The following KIAA1217 variants were observed in gnomAD, a reference collection of about 807,000 sequenced individuals.
The protein encoded by KIAA1217 is KIAA1217, also known as sickle tail protein homolog.
A neutral mutation model predicts 163.9 loss-of-function variants in KIAA1217; 88 were observed. The observed-to-expected ratio is 0.54, with a 90% CI of 0.45 to 0.64. The LOEUF (loss-of-function observed/expected upper bound fraction) is 0.64. KIAA1217 is among the 30% of genes least tolerant of loss of function. The probability of loss-of-function intolerance (pLI) is 0.00; values close to 1 mark genes in which losing one functional copy is unlikely to be tolerated. For synonymous variants in KIAA1217, 903 were observed against 923.1 expected (o/e 0.98, Z 0.39); for missense variants, 2,372 against 2,475.0 (o/e 0.96, Z 0.88).
chr10:23,987,780 A>G (rs963631019), intron 1 of KIAA1217, among the ~76,000 whole-genome samples: 1 of 152,136 alleles, frequency 6.6e-6, no homozygotes, highest in Admixed American at 6.6e-5. Context: ...CCTTTGACCA[A>G]CATCTTCCCA....
intron 3 of KIAA1217, among the ~76,000 whole-genome samples, chr10:24,428,498 T>C (rs532164984): frequency 7.2e-5 from 11 of 152,296 alleles, no homozygotes; most frequent in African/African-American, 2.6e-4. Context: ...AAACAGCCAC[T>C]TCAGAATGTG....
At chr10:23,959,101 G>A (rs1306789329) in intron 1 of KIAA1217, among the ~76,000 whole-genome samples, 1 of 151,944 alleles carries the variant, frequency 6.6e-6, no homozygotes, top group East Asian at 1.9e-4. Flanking sequence ...GTGAGGCAAA[G>A]CAGTGGATGT....
intron 1 of KIAA1217, among the ~76,000 whole-genome samples, chr10:23,938,312 A>G (rs146260647): frequency 6.6e-6 from 1 of 152,278 alleles, no homozygotes; most frequent in East Asian, 1.9e-4. Context: ...TCTAGAATAA[A>G]GTCTGCTCCA....
chr10:23,990,744 T>G (rs769568820), intron 1 of KIAA1217, among the ~76,000 whole-genome samples: 3 of 152,182 alleles, frequency 2.0e-5, no homozygotes, highest in Admixed American at 6.5e-5. Flanking sequence ...GAACTGTGCT[T>G]TAATATTTTT....
At chr10:24,164,190 A>G (rs1012140792) in intron 2 of KIAA1217, among the ~76,000 whole-genome samples, 6 of 152,150 alleles carry the variant, frequency 3.9e-5, no homozygotes, top group African/African-American at 1.4e-4. Flanking sequence ...GAGAATAGGA[A>G]AGCCACCCAG....
intron 1 of KIAA1217, among the ~76,000 whole-genome samples, chr10:23,791,359 T>G (rs1252182092): frequency 6.6e-6 from 1 of 152,128 alleles, no homozygotes; most frequent in Non-Finnish European, 1.5e-5. Context: ...TCATCTAACT[T>G]CCCACTCACT....
At chr10:24,466,739 CG>C in intron 5 of KIAA1217, 1 of 985,376 alleles carries the variant, frequency 1.0e-6, no homozygotes, top group South Asian at 4.7e-5. Context: ...AGGACCTGAG[CG>C]AATGTGCTTA....
intron 1 of KIAA1217, among the ~76,000 whole-genome samples, chr10:24,000,283 G>T (rs9417388): frequency 6.6e-6 from 1 of 152,214 alleles, no homozygotes; most frequent in African/African-American, 2.4e-5. Flanking sequence ...GCAGTGGGAG[G>T]TAATTGAATC....
intron 2 of KIAA1217, among the ~76,000 whole-genome samples, chr10:24,243,355 A>AC (rs1261409282): frequency 2.6e-5 from 4 of 151,846 alleles, no homozygotes; most frequent in African/African-American, 9.7e-5. Context: ...CTTCTAGTGC[A>AC]CCCATTATTC....
chr10:24,272,484 A>G (rs985765061), intron 2 of KIAA1217, among the ~76,000 whole-genome samples: 1 of 152,204 alleles, frequency 6.6e-6, no homozygotes, highest in Admixed American at 6.5e-5. Context: ...TACGAGTTCT[A>G]AAAGCTACTC....
At chr10:24,475,141 C>T (rs769571757) in intron 6 of KIAA1217, among the ~76,000 whole-genome samples, 8 of 152,234 alleles carry the variant, frequency 5.3e-5, no homozygotes, top group Non-Finnish European at 8.8e-5. Flanking sequence ...ATCACTTGAA[C>T]CTGGGAGGTG....
chr10:24,055,640 T>A (rs1227503109), intron 2 of KIAA1217, among the ~76,000 whole-genome samples: 1 of 152,206 alleles, frequency 6.6e-6, no homozygotes, highest in Non-Finnish European at 1.5e-5. Flanking sequence ...CTGGTTTTGA[T>A]GATGAAGTTC....
intron 1 of KIAA1217, among the ~76,000 whole-genome samples, chr10:23,792,218 T>A (rs1389729906): frequency 6.6e-6 from 1 of 152,222 alleles, no homozygotes; most frequent in Non-Finnish European, 1.5e-5. Context: ...TTTCACTTTC[T>A]GCCATAGCTA....
intron 2 of KIAA1217, among the ~76,000 whole-genome samples, chr10:24,174,127 G>C (rs552191219): frequency 6.6e-6 from 1 of 152,316 alleles, no homozygotes; most frequent in South Asian, 2.1e-4. Flanking sequence ...TAAGACAAGG[G>C]CTTCATTGTG....
chr10:24,238,257 G>A (rs762816313), intron 2 of KIAA1217, among the ~76,000 whole-genome samples: 1 of 152,160 alleles, frequency 6.6e-6, no homozygotes, highest in Non-Finnish European at 1.5e-5. Flanking sequence ...GAAGAACTTT[G>A]TACTGTGGCA....
intron 1 of KIAA1217, 71 bp downstream of exon 1, chr10:24,209,334 A>C: frequency 8.3e-7 from 1 of 1,200,314 alleles, no homozygotes; most frequent in Non-Finnish European, 1.2e-6. Context: ...GCTTTTTATA[A>C]ACTGCAGCTC....
chr10:24,399,595 T>C (rs1390740167), intron 3 of KIAA1217, among the ~76,000 whole-genome samples: 1 of 152,228 alleles, frequency 6.6e-6, no homozygotes, highest in Non-Finnish European at 1.5e-5. Flanking sequence ...TGTGTTGCAC[T>C]GTTCTTTTCA....
At chr10:23,829,936 C>T (rs181428578) in intron 1 of KIAA1217, among the ~76,000 whole-genome samples, 4 of 152,206 alleles carry the variant, frequency 2.6e-5, no homozygotes, top group South Asian at 2.1e-4. Flanking sequence ...GGCTTACTAG[C>T]GGAAGTAATT....
intron 1 of KIAA1217, among the ~76,000 whole-genome samples, chr10:23,710,572 G>C (rs1254822699): frequency 6.6e-6 from 1 of 152,164 alleles, no homozygotes; most frequent in East Asian, 1.9e-4. Flanking sequence ...AAAGCATTTT[G>C]TTCTATGCTG....
Sources: gnomAD v4.1 joint callset for allele counts (sites outside exome capture counted in the v4.1 genomes callset) on GRCh38, gnomAD v4.1.1 for gene constraint, MANE v1.5 for transcripts, NCBI Gene and HGNC (gene_info 2026-07-23, HGNC 2026-07-21) for gene names.